The following CTNNBL1 variants were observed in gnomAD, a reference collection of about 807,000 sequenced individuals.
CTNNBL1 encodes catenin beta like 1.
Under a neutral mutation model 72.7 loss-of-function variants are expected in CTNNBL1, and 31 were observed. The ratio of observed to expected loss-of-function variants is 0.43; its 90% CI spans 0.32 to 0.58. The LOEUF is 0.58. CTNNBL1 is among the 20% of genes least tolerant of loss of function. The pLI is 0.08. For missense variants in CTNNBL1, 534 were observed against 725.1 expected (o/e 0.74, Z 3.03); for synonymous variants, 240 against 267.3 (o/e 0.90, Z 1.00).
At chr20:37,786,405 T>C (rs1413981416) in intron 10 of CTNNBL1, among the ~76,000 whole-genome samples, 1 of 152,238 alleles carries the variant, frequency 6.6e-6, no homozygotes, top group Non-Finnish European at 1.5e-5. Flanking sequence ...AGCCAGAGCC[T>C]GGACTTGGGA....
At chr20:37,823,170 C>G (rs1348410809) in intron 11 of CTNNBL1, among the ~76,000 whole-genome samples, 1 of 152,156 alleles carries the variant, frequency 6.6e-6, no homozygotes, top group Non-Finnish European at 1.5e-5. Context: ...GAATGTGGTC[C>G]TGAAGCATTT....
intron 3 of CTNNBL1, among the ~76,000 whole-genome samples, chr20:37,742,354 A>G (rs1209205874): frequency 1.3e-5 from 2 of 152,154 alleles, no homozygotes; most frequent in African/African-American, 2.4e-5. Context: ...TCTGTGTTGG[A>G]CCAAGGCCTG....
chr20:37,718,235 GGCTGA>G (rs1372699283), intron 1 of CTNNBL1, among the ~76,000 whole-genome samples: 1 of 149,168 alleles, frequency 6.7e-6, no homozygotes, highest in Admixed American at 6.6e-5. Context: ...CCGGGCGGGG[GGCTGA>G]CCCCCCCACC....
intron 10 of CTNNBL1, among the ~76,000 whole-genome samples, chr20:37,782,657 T>C (rs1349316578): frequency 6.6e-6 from 1 of 152,192 alleles, no homozygotes; most frequent in East Asian, 1.9e-4. Flanking sequence ...TCAAAAATTA[T>C]TTCAACATGT....
chr20:37,820,124 G>A (rs570789474), intron 11 of CTNNBL1, among the ~76,000 whole-genome samples: 7 of 151,938 alleles, frequency 4.6e-5, no homozygotes, highest in East Asian at 3.9e-4. Context: ...TGATTCACCC[G>A]TCTCGGCCTC....
At chr20:37,709,043 A>G (rs575314005) in intron 1 of CTNNBL1, among the ~76,000 whole-genome samples, 1 of 152,280 alleles carries the variant, frequency 6.6e-6, no homozygotes, top group Admixed American at 6.5e-5. Context: ...AGGCTGAGAC[A>G]GGAGAATTGC....
intron 1 of CTNNBL1, among the ~76,000 whole-genome samples, chr20:37,718,538 G>A (rs796453731): frequency 4.0e-5 from 6 of 148,298 alleles, no homozygotes; most frequent in South Asian, 4.3e-4. Flanking sequence ...AGGGGCGGCC[G>A]GGCAGAGGCG....
intron 7 of CTNNBL1, among the ~76,000 whole-genome samples, chr20:37,772,795 ATTC>A (rs2073537442): frequency 6.6e-6 from 1 of 152,164 alleles, no homozygotes; most frequent in South Asian, 2.1e-4. Flanking sequence ...TCCTTGAGTG[ATTC>A]TTAAGTGAGT....
chr20:37,828,643 G>A (rs925219346), intron 11 of CTNNBL1, among the ~76,000 whole-genome samples: 1 of 152,230 alleles, frequency 6.6e-6, no homozygotes, highest in African/African-American at 2.4e-5. Context: ...GTTTGCAATC[G>A]ATGTGGCCTC....
In CTNNBL1 at chr20:37,803,028, C is replaced by T. The variant is rs778914241; in HGVS notation, c.1193C>T (p.Thr398Ile). Reference sequence around the variant, plus strand: ...CCCAGGAAGATCAAGAAAGTGGGAACCACTGAGAAGGAACATGAAGGTAGG... The same window carrying T: ...CCCAGGAAGATCAAGAAAGTGGGAATCACTGAGAAGGAACATGAAGGTAGG... ...KSPRKIKKVG[T>I]TEKEHEEHVC... Residue 398 changes from threonine to isoleucine, a missense_variant, in exon 11 of 16, where the codon ACC (threonine) becomes ATC (isoleucine). Physicochemically the swap from Thr to Ile is moderately conservative, Grantham distance 89 (BLOSUM62 -1). Transcript: ENST00000361383. 5.6e-6 allele frequency: 9 copies of T among 1,613,960 alleles called. No homozygotes were observed. The highest frequency in any genetic ancestry group is 7.6e-6 in the Non-Finnish European group (9 of 1,179,940).
intron 11 of CTNNBL1, among the ~76,000 whole-genome samples, chr20:37,809,419 A>G (rs2294442): frequency 0.33 from 50,774 of 151,926 alleles, 9,087 homozygotes; most frequent in Admixed American, 0.47. Context: ...TACACATCCA[A>G]TCATGTTTGA....
At chr20:37,712,077 G>A (rs1024254155) in intron 1 of CTNNBL1, among the ~76,000 whole-genome samples, 1 of 152,188 alleles carries the variant, frequency 6.6e-6, no homozygotes, top group African/African-American at 2.4e-5. Context: ...ATTCACCTTT[G>A]TGCTGCAGAG....
intron 11 of CTNNBL1, among the ~76,000 whole-genome samples, chr20:37,817,464 G>C (rs1243919197): frequency 6.6e-6 from 1 of 152,150 alleles, no homozygotes; most frequent in Non-Finnish European, 1.5e-5. Flanking sequence ...GTTTTTCTAA[G>C]CTACAAGCTT....
chr20:37,831,357 T>C (rs1445426108), intron 11 of CTNNBL1, among the ~76,000 whole-genome samples: 1 of 76,620 alleles, frequency 1.3e-5, no homozygotes, highest in Non-Finnish European at 2.5e-5. Context: ...TTCTTTTTTC[T>C]TTTTCTTTTC....
At chr20:37,845,621 C>G (rs1447335924) in intron 13 of CTNNBL1, among the ~76,000 whole-genome samples, 1 of 152,222 alleles carries the variant, frequency 6.6e-6, no homozygotes, top group African/African-American at 2.4e-5. Context: ...GCAGATGAAG[C>G]CGCCTCACAG....
rs1600468346 is a variant in CTNNBL1, at chr20:37,757,642, C to T, written c.550C>T (p.Leu184Phe). ...LHESEEGAEVLIDALVDGQVV... is the reference protein window; with the variant it reads ...LHESEEGAEVFIDALVDGQVV... ...TGAGAGTGAAGAGGGAGCAGAAGTG[C>T]TCATCGATGCTCTGGTAAGTTGCAC... is the stretch of plus-strand genomic sequence containing the variant. The change falls in exon 5 of 16, where the codon CTC (leucine) becomes TTC (phenylalanine). Residue 184 changes from leucine (L) to phenylalanine (F), a missense_variant. Coordinates refer to ENST00000361383, the MANE Select transcript of CTNNBL1 (RefSeq NM_030877.5). The T allele has an allele frequency of 6.2e-7, 1 of 1,612,824 alleles. No individual in the cohort carries two copies. Among genetic ancestry groups the T allele is most frequent in the Non-Finnish European group, 8.5e-7 (1 of 1,179,038 alleles).
chr20:37,792,449 T>C (rs955708733), intron 10 of CTNNBL1, among the ~76,000 whole-genome samples: 13 of 152,214 alleles, frequency 8.5e-5, no homozygotes, highest in South Asian at 2.1e-4. Flanking sequence ...GCTGGGACTG[T>C]AGGAATGCAC....
chr20:37,828,726 A>G (rs537972436), intron 11 of CTNNBL1, among the ~76,000 whole-genome samples: 6 of 152,306 alleles, frequency 3.9e-5, no homozygotes, highest in South Asian at 4.1e-4. Context: ...ATAGGGATGT[A>G]TGTACCCCGT....
intron 7 of CTNNBL1, among the ~76,000 whole-genome samples, chr20:37,768,736 T>C (rs912619072): frequency 8.5e-5 from 13 of 152,224 alleles, no homozygotes; most frequent in African/African-American, 3.1e-4. Flanking sequence ...TTATTGTTGT[T>C]AATTTCTTAC....
Sources: allele counts gnomAD v4.1 joint callset (sites outside exome capture counted in the v4.1 genomes callset), GRCh38; gene constraint gnomAD v4.1.1; transcripts MANE v1.5; gene names NCBI Gene and HGNC (gene_info 2026-07-23, HGNC 2026-07-21).